GRIA2: variants seen among roughly 807,000 people sequenced by gnomAD.
GRIA2 encodes glutamate receptor 2.
Under a neutral mutation model 97.3 loss-of-function variants are expected in GRIA2, and 14 were observed. That is an observed-to-expected ratio of 0.14 (90% CI 0.10 to 0.23). GRIA2 has a LOEUF of 0.23. Among genes scored for constraint, GRIA2 ranks in the 10% least tolerant of loss-of-function variants. The pLI, the probability that GRIA2 is intolerant of heterozygous loss-of-function variation, is 1.00. For missense variants in GRIA2, 558 were observed against 1,069.8 expected (o/e 0.52, Z 6.67); for synonymous variants, 412 against 387.8 (o/e 1.06, Z -0.73).
chr4:157,363,507 G>A lies in GRIA2; in HGVS notation c.*76G>A, dbSNP rs2127006067. Reference sequence around the variant, plus strand: ...AGGAAGTACTGGAGAAAATGGACGTGTTATGACTCCAGAATTTCCCAAAGC... The same window carrying A: ...AGGAAGTACTGGAGAAAATGGACGTATTATGACTCCAGAATTTCCCAAAGC... On this transcript the variant is annotated 3_prime_UTR_variant, in exon 16 of 16. Coordinates refer to ENST00000264426, the MANE Select transcript of GRIA2 (RefSeq NM_001083619.3). 2 of 1,238,274 alleles carry A rather than the reference G, an allele frequency of 1.6e-6. No individual in the cohort carries two copies. The highest frequency in any genetic ancestry group is 4.0e-5 in the South Asian group (1 of 25,104). The allele number at this position is 1,238,274 out of a possible 1,614,324, so 76.7% of individuals were successfully genotyped here.
intron 12 of GRIA2, among the ~76,000 whole-genome samples, chr4:157,354,112 C>T (rs1736142810): frequency 6.6e-6 from 1 of 152,036 alleles, no homozygotes; most frequent in Admixed American, 6.5e-5. Flanking sequence ...AAAACTGAAA[C>T]ATGACATTTT....
At chr4:157,297,080 A>T (rs1174454688) in intron 2 of GRIA2, among the ~76,000 whole-genome samples, 2 of 152,134 alleles carry the variant, frequency 1.3e-5, no homozygotes, top group Non-Finnish European at 2.9e-5. Context: ...TATATCTGCC[A>T]TGAGAGGAAA....
chr4:157,355,266 G>T (rs568118351), intron 12 of GRIA2, among the ~76,000 whole-genome samples: 1 of 152,048 alleles, frequency 6.6e-6, no homozygotes, highest in Admixed American at 6.6e-5. Flanking sequence ...AGTGGCTCAC[G>T]CCTGTAATCC....
chr4:157,361,414 C>T lies in GRIA2; in HGVS notation c.2406+290C>T, dbSNP rs768944791. 12 of 767,548 alleles carry T rather than the reference C, an allele frequency of 1.6e-5. No individual in the cohort carries two copies. Among genetic ancestry groups the T allele is most frequent in the African/African-American group, 1.1e-4 (6 of 57,124 alleles). The allele number at this position is 767,548 out of a possible 1,614,324, so 47.5% of individuals were successfully genotyped here. On this transcript the variant is annotated intron_variant, in intron 14 of 15. Transcript: ENST00000264426. The surrounding 1 kb of genome is among the most constrained non-coding windows in gnomAD (Gnocchi z 5.2). ...GCTCATTTGGCTCTGCAAATCTTAC[C>T]GTTTGCTTAGGCCAAATGGCGCATC...
intron 2 of GRIA2, 21 bp from the exon 3 acceptor site, chr4:157,303,531 C>A: frequency 6.2e-7 from 1 of 1,606,194 alleles, no homozygotes; most frequent in Non-Finnish European, 8.5e-7. Flanking sequence ...TTTTTCCTTT[C>A]TATTTTTCCT....
Position 157,323,336 on chromosome 4 carries a change from C to CA in GRIA2, c.882+1767dup, listed in dbSNP as rs779080483. On this transcript the variant is annotated intron_variant, in intron 6 of 15. Coordinates refer to ENST00000264426, the MANE Select transcript of GRIA2 (RefSeq NM_001083619.3). ...TGGGAGACAGAGCGAGACTCTGTCT[C>CA]AAAAAAAAAAAAAAAAAAAAAAAAA... 2.1e-3 allele frequency among the ~76,000 whole-genome samples: 109 copies of CA among 51,478 alleles called. 14 individuals are homozygous for CA. The highest frequency in any genetic ancestry group is 5.2e-3 in the African/African-American group (62 of 11,836). 33.8% of individuals were successfully genotyped at this position (51,478 alleles called of 152,430 possible).
At chr4:157,247,482 T>C (rs138562786) in intron 2 of GRIA2, among the ~76,000 whole-genome samples, 1,788 of 152,170 alleles carry the variant, frequency 0.012, 18 homozygotes, top group Non-Finnish European at 0.016. Flanking sequence ...AGGTGGTCAA[T>C]GAAGGATGTG....
chr4:157,350,937 T>C (rs113626460), intron 12 of GRIA2, among the ~76,000 whole-genome samples: 92 of 150,622 alleles, frequency 6.1e-4, no homozygotes, highest in African/African-American at 2.0e-3. Flanking sequence ...TTTTCTTTTT[T>C]TTTTTTTTTT....
chr4:157,265,042 G>A (rs1731707466), intron 2 of GRIA2, among the ~76,000 whole-genome samples: 1 of 152,036 alleles, frequency 6.6e-6, no homozygotes, highest in Non-Finnish European at 1.5e-5. Flanking sequence ...ATGAAGTGTT[G>A]TCTAAAAGCC....
At chr4:157,287,731 A>C (rs1732909314) in intron 2 of GRIA2, among the ~76,000 whole-genome samples, 2 of 151,396 alleles carry the variant, frequency 1.3e-5, no homozygotes, top group East Asian at 3.9e-4. Flanking sequence ...TCCCCTTGCC[A>C]GCCGACCACC....
At position 157,361,236 on chromosome 4, in the gene GRIA2, G is replaced by A; in HGVS notation, c.2406+112G>A. 1.3e-6 allele frequency: 1 copy of A among 767,558 alleles called. No individual in the cohort carries two copies. Among genetic ancestry groups the A allele is most frequent in the Non-Finnish European group, 2.2e-6 (1 of 461,454 alleles). The allele number at this position is 767,558 out of a possible 1,614,324, so 47.5% of individuals were successfully genotyped here. On this transcript the variant is annotated intron_variant, in intron 14 of 15. Coordinates refer to ENST00000264426, the MANE Select transcript of GRIA2 (RefSeq NM_001083619.3). This position sits in a 1 kb window ranked among gnomAD's most constrained non-coding sequence, Gnocchi z 5.2. The stretch of plus-strand genomic sequence containing the variant: ...CAAGTTTCCAACGCTAAGCTGAAGA[G>A]TGCAATTGGATGACCAGGACACTTG...
chr4:157,351,836 C>T (rs1321306569), intron 12 of GRIA2, among the ~76,000 whole-genome samples: 1 of 152,182 alleles, frequency 6.6e-6, no homozygotes, highest in Non-Finnish European at 1.5e-5. Context: ...TGCCTTGCTT[C>T]CCTTTTGACT....
chr4:157,279,477 G>C (rs936596786), intron 2 of GRIA2, among the ~76,000 whole-genome samples: 1 of 152,082 alleles, frequency 6.6e-6, no homozygotes, highest in East Asian at 1.9e-4. Context: ...GAGAATTTTT[G>C]GGGAAGTTGG....
chr4:157,365,689 T>G lies in GRIA2; in HGVS notation c.*2258T>G, dbSNP rs1490387797. 1.3e-5 allele frequency: 2 copies of G among 151,954 alleles called. No homozygotes were observed. The highest frequency in any genetic ancestry group is 3.0e-5 in the Non-Finnish European group (2 of 67,566). 9.4% of individuals were successfully genotyped at this position (151,954 alleles called of 1,614,324 possible). On this transcript the variant is annotated 3_prime_UTR_variant, in exon 16 of 16. Coordinates refer to ENST00000264426, the MANE Select transcript of GRIA2 (RefSeq NM_001083619.3). ...GTGCATCAATATATTGCTATATAAA[T>G]ATGTCTGTGTGCATATAAGTGAAAA...
intron 4 of GRIA2, among the ~76,000 whole-genome samples, chr4:157,313,654 TATG>T (rs1191063205): frequency 6.6e-6 from 1 of 152,038 alleles, no homozygotes. Flanking sequence ...GCATCAACAT[TATG>T]ATTGATTGAA....
intron 5 of GRIA2, among the ~76,000 whole-genome samples, 163 bp downstream of exon 5, chr4:157,317,874 G>A (rs543434923): frequency 6.6e-6 from 1 of 152,234 alleles, no homozygotes; most frequent in East Asian, 1.9e-4. Context: ...TACTTGGGAG[G>A]CTGAGGCAGG....
chr4:157,344,958 A>G (rs1207170214), intron 12 of GRIA2, among the ~76,000 whole-genome samples: 1 of 152,132 alleles, frequency 6.6e-6, no homozygotes. Flanking sequence ...TCATAAAAGT[A>G]TATTCTTGTT....
At chr4:157,320,862 G>C (rs1293090350) in intron 5 of GRIA2, among the ~76,000 whole-genome samples, 1 of 152,028 alleles carries the variant, frequency 6.6e-6, no homozygotes, top group African/African-American at 2.4e-5. Flanking sequence ...TGAATTCATT[G>C]CAATAACACA....
rs1736627855 is a variant in GRIA2 at position 157,361,472 on chromosome 4, A to G, written c.2406+348A>G. The G allele has an allele frequency of 1.7e-6, 2 of 1,180,076 alleles. No individual in the cohort carries two copies. Among genetic ancestry groups the G allele is most frequent in the East Asian group, 2.5e-5 (1 of 40,750 alleles). 73.1% of individuals were successfully genotyped at this position (1,180,076 alleles called of 1,614,324 possible). On this transcript the variant is annotated intron_variant, in intron 14 of 15. Transcript: ENST00000264426. This position sits in a 1 kb window ranked among gnomAD's most constrained non-coding sequence, Gnocchi z 5.2. ...ATCGCTCTTACAAAGCTCTTGAATC[A>G]GTATTATGTAATGAATAACATAAAA...
Sources: gnomAD v4.1 joint callset for allele counts (sites outside exome capture counted in the v4.1 genomes callset) on GRCh38, gnomAD v4.1.1 for gene constraint, Gnocchi (gnomAD v3.1) non-coding constraint, MANE v1.5 for transcripts, NCBI Gene and HGNC (gene_info 2026-07-23, HGNC 2026-07-21) for gene names.